The following WDFY3 variants were observed in gnomAD, a reference collection of about 807,000 sequenced individuals.
WDFY3 encodes WD repeat and FYVE domain-containing protein 3.
WDFY3 carries 66 observed loss-of-function variants against 409.6 expected under a neutral mutation model. The observed-to-expected ratio is 0.16, with a 90% CI of 0.13 to 0.20. The LOEUF is 0.20. WDFY3 is among the 10% of genes least tolerant of loss of function. The pLI, the probability that WDFY3 is intolerant of heterozygous loss-of-function variation, is 1.00. For missense variants in WDFY3, 3,031 were observed against 4,298.1 expected (o/e 0.71, Z 8.24); for synonymous variants, 1,521 against 1,537.1 (o/e 0.99, Z 0.25).
intron 1 of WDFY3, among the ~76,000 whole-genome samples, chr4:84,953,705 C>A (rs1773903857): frequency 6.6e-6 from 1 of 151,934 alleles, no homozygotes; most frequent in Admixed American, 6.6e-5. Flanking sequence ...ATCCCTAATC[C>A]TTTTCTTCTT....
At chr4:84,721,385 C>T (rs1734834956) in intron 47 of WDFY3, 24 bp downstream of exon 47, 3 of 1,611,550 alleles carry the variant, frequency 1.9e-6, no homozygotes, top group Non-Finnish European at 2.5e-6. Context: ...TATTTACAAT[C>T]CTTACTTTTC....
rs1578966550 is a variant in WDFY3 at position 84,882,421 on chromosome 4, G to C, written c.-32+14490C>G. 2.0e-5 allele frequency among the ~76,000 whole-genome samples: 3 copies of C among 152,270 alleles called. No individual in the cohort carries two copies. The East Asian group carries it at 5.8e-4, about 29-fold the overall frequency. On this transcript the variant is annotated intron_variant, in intron 3 of 67. Transcript: ENST00000295888. ...ACACACTGAAGATGCTTAACGAATA[G>C]ACGGATAAATGGATGGATAGAATGA...
intron 61 of WDFY3, among the ~76,000 whole-genome samples, chr4:84,688,592 T>C (rs1403134276): frequency 6.6e-6 from 1 of 152,192 alleles, no homozygotes; most frequent in Non-Finnish European, 1.5e-5. Context: ...CTTTATACCA[T>C]TTTTATGTAG....
At chr4:84,888,480 T>C (rs1218543816) in intron 3 of WDFY3, among the ~76,000 whole-genome samples, 1 of 152,206 alleles carries the variant, frequency 6.6e-6, no homozygotes, top group African/African-American at 2.4e-5. Flanking sequence ...TCAAGAGTAC[T>C]TAACTATTAA....
At chr4:84,850,165 A>G (rs994792838) in intron 4 of WDFY3, 140 bp from the exon 5 acceptor site, 1 of 820,036 alleles carries the variant, frequency 1.2e-6, no homozygotes, top group African/African-American at 1.8e-5. Flanking sequence ...TAATATGTTG[A>G]AAATACAACG....
chr4:84,825,181 T>C (rs1443847551), intron 10 of WDFY3, among the ~76,000 whole-genome samples: 1 of 152,062 alleles, frequency 6.6e-6, no homozygotes, highest in African/African-American at 2.4e-5. Flanking sequence ...AATTAAATTG[T>C]TGTGATTAGC....
chr4:84,893,054 C>A (rs929049931), intron 3 of WDFY3, among the ~76,000 whole-genome samples: 2 of 152,140 alleles, frequency 1.3e-5, no homozygotes, highest in Admixed American at 1.3e-4. Context: ...GTAATGAAAC[C>A]AGTAGAGTTG....
At chr4:84,716,546 C>T (rs1733954473) in intron 49 of WDFY3, among the ~76,000 whole-genome samples, 1 of 151,540 alleles carries the variant, frequency 6.6e-6, no homozygotes, top group Admixed American at 6.6e-5. Flanking sequence ...CCTGTAATCC[C>T]AGCACTTTGG....
intron 3 of WDFY3, among the ~76,000 whole-genome samples, chr4:84,879,784 G>C (rs1763248836): frequency 1.3e-5 from 2 of 152,182 alleles, no homozygotes; most frequent in East Asian, 1.9e-4. Flanking sequence ...AAGTCAATGA[G>C]AGAAAGGCAA....
chr4:84,907,586 T>C (rs1767207774), intron 2 of WDFY3, among the ~76,000 whole-genome samples: 1 of 152,220 alleles, frequency 6.6e-6, no homozygotes. Context: ...TGAGAAATCC[T>C]AAGCCAGGGC....
intron 36 of WDFY3, among the ~76,000 whole-genome samples, chr4:84,749,952 G>T (rs991151632): frequency 6.6e-6 from 1 of 151,868 alleles, no homozygotes; most frequent in Non-Finnish European, 1.5e-5. Context: ...AAAAATAAAG[G>T]GCAATTATAC....
At chr4:84,917,685 G>A (rs904518266) in intron 2 of WDFY3, among the ~76,000 whole-genome samples, 1 of 151,742 alleles carries the variant, frequency 6.6e-6, no homozygotes, top group Non-Finnish European at 1.5e-5. Flanking sequence ...CTCAAAATGC[G>A]AGGGCAATAA....
chr4:84,673,727 T>G (rs1725802759), intron 67 of WDFY3, among the ~76,000 whole-genome samples: 1 of 152,042 alleles, frequency 6.6e-6, no homozygotes, highest in Non-Finnish European at 1.5e-5. Context: ...ACTCAGGATG[T>G]GGTATTAAAT....
chr4:84,912,500 TAA>T (rs957223222), intron 2 of WDFY3, among the ~76,000 whole-genome samples: 8 of 152,200 alleles, frequency 5.3e-5, no homozygotes, highest in African/African-American at 1.9e-4. Context: ...GAGAAAAAGC[TAA>T]GTCATTATAT....
chr4:84,699,696 T>C (rs1006369686), intron 56 of WDFY3, among the ~76,000 whole-genome samples: 15 of 152,150 alleles, frequency 9.9e-5, no homozygotes, highest in African/African-American at 3.6e-4. Context: ...AATTTTTCTA[T>C]ACCTTTGCCA....
intron 1 of WDFY3, among the ~76,000 whole-genome samples, chr4:84,944,219 T>A (rs934205733): frequency 3.3e-5 from 5 of 152,072 alleles, no homozygotes; most frequent in African/African-American, 1.2e-4. Flanking sequence ...AAATTATCAC[T>A]CCTAACTTTA....
chr4:84,843,215 G>A (rs977362847), intron 5 of WDFY3, among the ~76,000 whole-genome samples: 16 of 152,286 alleles, frequency 1.1e-4, no homozygotes, highest in East Asian at 7.7e-4. Context: ...TCTGGATAGG[G>A]CTGAGGTTGA....
chr4:84,744,089 TTATATAATATATAGTA>T (rs1423088318), intron 36 of WDFY3, among the ~76,000 whole-genome samples: 1 of 147,954 alleles, frequency 6.8e-6, no homozygotes, highest in East Asian at 1.9e-4. Flanking sequence ...ATAGTTTATA[TTATATAATATATAGTA>T]TATATAATAT....
chr4:84,789,952 C>A (rs1457137668), intron 21 of WDFY3, 45 bp from the exon 22 acceptor site: 1 of 1,589,992 alleles, frequency 6.3e-7, no homozygotes, highest in Non-Finnish European at 8.6e-7. Flanking sequence ...CCAACACCAT[C>A]CCTATTCAAA....
Sources: allele counts gnomAD v4.1 joint callset (sites outside exome capture counted in the v4.1 genomes callset), GRCh38; gene constraint gnomAD v4.1.1; transcripts MANE v1.5; gene names NCBI Gene and HGNC (gene_info 2026-07-23, HGNC 2026-07-21).